KCNMA1: variants seen among roughly 807,000 people sequenced by gnomAD.
KCNMA1 encodes potassium calcium-activated channel subfamily M alpha 1.
Under a neutral mutation model 140.0 loss-of-function variants are expected in KCNMA1, and 29 were observed. That is an observed-to-expected ratio of 0.21 (90% CI 0.15 to 0.28). The LOEUF (loss-of-function observed/expected upper bound fraction) is 0.28. Ranked by LOEUF, KCNMA1 falls within the 10% of genes least tolerant of loss-of-function variation. The pLI is 1.00. For synonymous variants in KCNMA1, 612 were observed against 611.9 expected (o/e 1.00, Z 0.00); for missense variants, 880 against 1,602.2 (o/e 0.55, Z 7.70).
At chr10:76,914,289 C>G in intron 24 of KCNMA1, 1 of 637,518 alleles carries the variant, frequency 1.6e-6, no homozygotes, top group Non-Finnish European at 2.8e-6. Context: ...AGAGGCCACT[C>G]TACAGTTTTG....
At chr10:76,911,110 C>A (rs2050007096) in intron 24 of KCNMA1, 1 of 152,060 alleles carries the variant, frequency 6.6e-6, no homozygotes, top group Non-Finnish European at 1.5e-5. Context: ...GGTTTCCTTT[C>A]CCTGATTCCT....
intron 23 of KCNMA1, among the ~76,000 whole-genome samples, chr10:76,924,326 G>C (rs560114144): frequency 6.6e-6 from 1 of 152,224 alleles, no homozygotes; most frequent in African/African-American, 2.4e-5. Flanking sequence ...ATACTGACAT[G>C]TATGATCCAT....
At chr10:77,438,357 A>C (rs949064175) in intron 1 of KCNMA1, among the ~76,000 whole-genome samples, 42 of 152,158 alleles carry the variant, frequency 2.8e-4, no homozygotes, top group African/African-American at 1.0e-3. Flanking sequence ...ACCTGAGGTC[A>C]GGAGTTCGAG....
chr10:77,372,268 T>A (rs942664702), intron 2 of KCNMA1, among the ~76,000 whole-genome samples: 2 of 152,178 alleles, frequency 1.3e-5, no homozygotes, highest in Non-Finnish European at 2.9e-5. Flanking sequence ...TAGAATTTGT[T>A]TCCTGTTTTG....
rs905339389 is a variant in KCNMA1 at position 77,090,856 on chromosome 10, A to C, written c.1224-346T>G. 2.4e-4 allele frequency: 83 copies of C among 345,788 alleles called. No homozygotes were observed. In the East Asian group the frequency reaches 5.2e-3, roughly 22 times the overall value. The allele number at this position is 345,788 out of a possible 1,614,324, so 21.4% of individuals were successfully genotyped here. A position where few individuals can be genotyped will look rare whatever the true frequency, so the allele number is the denominator to read the frequency against. On this transcript the variant is annotated intron_variant, in intron 9 of 27. Transcript: ENST00000286628. ...ATTATCAAGTCCCTTGCAGATTCAT[A>C]TCTCTCCCTTTCTGCCCACAAAGCG...
chr10:77,496,741 A>C (rs1392585317), intron 1 of KCNMA1, among the ~76,000 whole-genome samples: 1 of 151,840 alleles, frequency 6.6e-6, no homozygotes, highest in Non-Finnish European at 1.5e-5. Flanking sequence ...CTCATTTTAC[A>C]TACAGGTAAG....
chr10:77,079,682 A>G (rs1370820788), intron 12 of KCNMA1, 132 bp from the exon 13 acceptor site: 8 of 719,102 alleles, frequency 1.1e-5, no homozygotes, highest in Admixed American at 2.0e-5. Flanking sequence ...TTCCAGAGGC[A>G]GGGCTCAGAT....
intron 2 of KCNMA1, among the ~76,000 whole-genome samples, chr10:77,378,756 G>C (rs1213938224): frequency 1.3e-5 from 2 of 152,186 alleles, no homozygotes; most frequent in Non-Finnish European, 2.9e-5. Flanking sequence ...ATAAAGCACT[G>C]TATGCAAACA....
chr10:77,511,754 A>C (rs1334096235), intron 1 of KCNMA1, among the ~76,000 whole-genome samples: 1 of 152,236 alleles, frequency 6.6e-6, no homozygotes, highest in Non-Finnish European at 1.5e-5. Context: ...GTGACTATAC[A>C]GTCGTCCCTG....
intron 2 of KCNMA1, among the ~76,000 whole-genome samples, chr10:77,275,088 T>A (rs1396139582): frequency 6.6e-6 from 1 of 152,176 alleles, no homozygotes; most frequent in African/African-American, 2.4e-5. Context: ...GGGCTTTTCT[T>A]TTCAGAGTCT....
intron 19 of KCNMA1, among the ~76,000 whole-genome samples, chr10:76,991,588 G>A (rs1448254519): frequency 6.6e-6 from 1 of 152,126 alleles, no homozygotes; most frequent in East Asian, 1.9e-4. Flanking sequence ...CTGGCTTCTA[G>A]CACATCACCA....
intron 14 of KCNMA1, among the ~76,000 whole-genome samples, chr10:77,050,154 T>A (rs11001992): frequency 0.082 from 12,418 of 152,020 alleles, 649 homozygotes; most frequent in Non-Finnish European, 0.12. Flanking sequence ...ATTTTTTGGA[T>A]TCCAAAGTAA....
At chr10:77,146,892 C>T (rs185781641) in intron 5 of KCNMA1, among the ~76,000 whole-genome samples, 16 of 152,168 alleles carry the variant, frequency 1.1e-4, no homozygotes, top group Admixed American at 9.2e-4. Context: ...CTCTCTCTCT[C>T]GGGTGTAATG....
chr10:77,138,217 A>T (rs2098089906), intron 5 of KCNMA1, among the ~76,000 whole-genome samples: 1 of 152,146 alleles, frequency 6.6e-6, no homozygotes, highest in South Asian at 2.1e-4. Context: ...CACATTTTTT[A>T]AAAGTAAACA....
At chr10:77,493,198 G>T (rs982485585) in intron 1 of KCNMA1, among the ~76,000 whole-genome samples, 3 of 152,260 alleles carry the variant, frequency 2.0e-5, no homozygotes, top group Admixed American at 6.5e-5. Context: ...CTGCAGATCA[G>T]GAGACCCTGG....
In KCNMA1 at chr10:76,998,412, A is replaced by T. The variant is rs144412119; in HGVS notation, c.2266+2995T>A. Reference sequence around the variant, plus strand: ...GCAGTCTCCAAAGCACACTGGCTCAACTGGGAAACTGCGACCAAAGCAAGC... The same window carrying T: ...GCAGTCTCCAAAGCACACTGGCTCATCTGGGAAACTGCGACCAAAGCAAGC... On this transcript the variant is annotated intron_variant, in intron 19 of 27. Transcript: ENST00000286628. Among the ~76,000 whole-genome samples the T allele has an allele frequency of 4.2e-3, 638 of 152,334 alleles. 3 individuals are homozygous for T. Among genetic ancestry groups the T allele is most frequent in the African/African-American group, 0.014 (588 of 41,568 alleles).
chr10:77,072,970 A>G, intron 14 of KCNMA1, 127 bp downstream of exon 14: 1 of 882,532 alleles, frequency 1.1e-6, no homozygotes, highest in South Asian at 1.5e-5. Context: ...ATCCGTAACA[A>G]GGAATTTCTC....
intron 14 of KCNMA1, among the ~76,000 whole-genome samples, chr10:77,072,263 G>A (rs2096242276): frequency 1.3e-5 from 2 of 152,210 alleles, no homozygotes; most frequent in Admixed American, 1.3e-4. Flanking sequence ...TTTACACACG[G>A]GTTTGTCACC....
intron 2 of KCNMA1, among the ~76,000 whole-genome samples, chr10:77,402,567 T>G (rs1487007609): frequency 1.3e-5 from 2 of 152,190 alleles, no homozygotes; most frequent in African/African-American, 4.8e-5. Flanking sequence ...GCCAGCACCT[T>G]TGATTACTCA....
Sources: gnomAD v4.1 joint callset for allele counts (sites outside exome capture counted in the v4.1 genomes callset) on GRCh38, gnomAD v4.1.1 for gene constraint, MANE v1.5 for transcripts, NCBI Gene and HGNC (gene_info 2026-07-23, HGNC 2026-07-21) for gene names.